POLQ: variants seen among roughly 807,000 people sequenced by gnomAD.
POLQ encodes the protein DNA polymerase theta.
In POLQ, 233 loss-of-function variants were observed where a neutral mutation model predicts 259.2. The ratio of observed to expected loss-of-function variants is 0.90; its 90% confidence interval spans 0.81 to 1.00. POLQ has a LOEUF of 1.00. POLQ is among the 50% of genes least tolerant of loss of function. POLQ has a pLI of 0.00. For synonymous variants in POLQ, 1,025 were observed against 1,048.8 expected (o/e 0.98, Z 0.44); for missense variants, 2,871 against 3,051.6 (o/e 0.94, Z 1.39).
At chr3:121,435,585 G>C (rs978263045) in intron 28 of POLQ, among the ~76,000 whole-genome samples, 3 of 152,130 alleles carry the variant, frequency 2.0e-5, no homozygotes, top group African/African-American at 7.2e-5. Context: ...CAACTGTCCT[G>C]GTATAGAAGT....
rs755243258 is a variant in POLQ, at chr3:121,496,931, A to C, written c.2155T>G (p.Phe719Val). 1 of 1,611,704 alleles carries C rather than the reference A, an allele frequency of 6.2e-7. No homozygotes were observed. Among genetic ancestry groups the C allele is most frequent in the Non-Finnish European group, 8.5e-7 (1 of 1,179,496 alleles). The change falls in exon 14 of 30, where the codon TTT becomes GTT. Residue 719 changes from phenylalanine (F) to valine (V), a missense_variant and splice_region_variant. Around this residue, in one of 3 missense-constraint regions of POLQ, gnomAD observed 783 missense variants for 906.2 expected, o/e 0.86. Coordinates refer to ENST00000264233, the MANE Select transcript of POLQ (RefSeq NM_199420.4). The stretch of plus-strand genomic sequence containing the variant: ...TCTAATAGCACAAGACTGGTGAAAA[A>C]CCTGGGAATAAATCATCAAAAGCGT... ...QHRQMAIHKRFFTSLVLLDLI... is the reference protein window; with the variant it reads ...QHRQMAIHKRVFTSLVLLDLI...
chr3:121,533,862 C>T (rs1471444670), intron 5 of POLQ, among the ~76,000 whole-genome samples: 1 of 150,350 alleles, frequency 6.7e-6, no homozygotes, highest in Non-Finnish European at 1.5e-5. Flanking sequence ...ACCAATGAGA[C>T]TACTGAGCAT....
intron 4 of POLQ, among the ~76,000 whole-genome samples, chr3:121,539,208 C>T (rs1182214782): frequency 6.6e-6 from 1 of 152,122 alleles, no homozygotes. Flanking sequence ...ATATAATCTA[C>T]GTTTTGTAAA....
In POLQ at chr3:121,467,548, CT is replaced by C. The variant is rs749772937; in HGVS notation, c.6937del (p.Ser2313AlafsTer24). 3.1e-6 allele frequency: 5 copies of C among 1,614,062 alleles called. No individual in the cohort carries two copies. Among genetic ancestry groups the C allele is most frequent in the African/African-American group, 1.3e-5 (1 of 75,056 alleles). ...GAAAGGCACAAAGGCATGTCGCATG[CT>C]AATTGAAAATGGCATTCCTCTGTCT... The part of the protein sequence containing the change: ...AADRGMPFSI[S>X]MRHAFVPFPG... On this transcript the variant is annotated frameshift_variant, in exon 24 of 30. Transcript: ENST00000264233. LOFTEE classifies it high-confidence loss of function.
In POLQ at chr3:121,485,111, A is replaced by G. The variant is rs1201955800; in HGVS notation, c.5703T>C (p.Val1901=). The G allele has an allele frequency of 6.2e-7, 1 of 1,612,584 alleles. No individual in the cohort carries two copies. Among genetic ancestry groups the G allele is most frequent in the South Asian group, 1.1e-5 (1 of 91,016 alleles). The stretch of plus-strand genomic sequence containing the variant: ...TTCCACCCCAGCATACTGCCAGTCC[A>G]ACCACCAAGGTGTCATCACAACCTT... ...PIKGCDDTLV[V]GLAVCWGGRD... Residue 1901 remains valine, a synonymous_variant, in exon 17 of 30, where the codon GTT becomes GTC. Transcript: ENST00000264233.
chr3:121,447,461 C>T (rs535686221), intron 26 of POLQ, among the ~76,000 whole-genome samples: 1 of 152,222 alleles, frequency 6.6e-6, no homozygotes, highest in East Asian at 1.9e-4. Context: ...CCGCGCCTGG[C>T]CCACTTTTTA....
At position 121,460,138 on chromosome 3, in the gene POLQ, C is replaced by G. The variant is rs756208896; in HGVS notation, c.7064G>C (p.Gly2355Ala). 6.2e-7 allele frequency: 1 copy of G among 1,613,612 alleles called. No homozygotes were observed. The highest frequency in any genetic ancestry group is 1.7e-5 in the Admixed American group (1 of 60,006). Residue 2355 changes from glycine to alanine, a missense_variant, in exon 25 of 30, where the codon GGA (glycine) becomes GCA (alanine). By Grantham distance (60) the Gly-to-Ala change is moderately conservative. Transcript: ENST00000264233. The stretch of plus-strand genomic sequence containing the variant: ...TGCAATGCTCCTGAAAACATCAGCT[C>G]CAGTGTTTAACACTTGAATGAGACG... Reference protein sequence around the residue: ...DRRLIQVLNTGADVFRSIAAE... With the variant: ...DRRLIQVLNTAADVFRSIAAE...
chr3:121,453,770 G>A (rs1012154589), intron 25 of POLQ, among the ~76,000 whole-genome samples: 3 of 152,162 alleles, frequency 2.0e-5, no homozygotes, highest in Non-Finnish European at 4.4e-5. Flanking sequence ...GTATCTGAAA[G>A]TGACAGGGAG....
intron 13 of POLQ, 110 bp from the exon 14 acceptor site, chr3:121,497,042 T>A: frequency 9.7e-7 from 1 of 1,035,342 alleles, no homozygotes; most frequent in South Asian, 1.4e-5. Context: ...GCTTATATAA[T>A]ACATTGTGGT....
At chr3:121,514,104 G>A (rs531025655) in intron 9 of POLQ, among the ~76,000 whole-genome samples, 41 of 140,246 alleles carry the variant, frequency 2.9e-4, no homozygotes, top group East Asian at 8.5e-4. Flanking sequence ...CAAGGTGGAC[G>A]GATCACCTGA....
intron 9 of POLQ, among the ~76,000 whole-genome samples, chr3:121,516,017 GT>G (rs2048291832): frequency 6.6e-6 from 1 of 151,874 alleles, no homozygotes; most frequent in African/African-American, 2.4e-5. Flanking sequence ...GAGATGAAGA[GT>G]ACAATGAGTG....
At chr3:121,435,422 G>C (rs1316141157) in intron 28 of POLQ, among the ~76,000 whole-genome samples, 2 of 152,298 alleles carry the variant, frequency 1.3e-5, no homozygotes, top group East Asian at 3.9e-4. Context: ...GAACACTGAA[G>C]GTCATAAATA....
At chr3:121,519,692 A>G (rs1187082270) in intron 9 of POLQ, among the ~76,000 whole-genome samples, 179 bp downstream of exon 9, 1 of 151,382 alleles carries the variant, frequency 6.6e-6, no homozygotes, top group Non-Finnish European at 1.5e-5. Flanking sequence ...AAAAAAAAAA[A>G]AAGAAAATTA....
chr3:121,541,148 T>C (rs2048486493), intron 3 of POLQ, among the ~76,000 whole-genome samples: 1 of 152,234 alleles, frequency 6.6e-6, no homozygotes, highest in Non-Finnish European at 1.5e-5. Flanking sequence ...CCCAAAGTGC[T>C]GGGATTACAG....
rs751274104 is a variant in POLQ at position 121,541,336 on chromosome 3, T to C, written c.474+13A>G. ...GAGCCTTTCACTATTTCAAACTTAG[T>C]AAAAAACATTACCTGGAGGTAGTAT... On this transcript the variant is annotated intron_variant, in intron 3 of 29. Coordinates refer to ENST00000264233, the MANE Select transcript of POLQ (RefSeq NM_199420.4). The C allele has an allele frequency of 1.3e-6, 2 of 1,572,876 alleles. No homozygotes were observed. The highest frequency in any genetic ancestry group is 2.3e-5 in the South Asian group (2 of 85,196).
chr3:121,450,801 T>C (rs542372175), intron 25 of POLQ, among the ~76,000 whole-genome samples: 6 of 152,200 alleles, frequency 3.9e-5, no homozygotes, highest in South Asian at 2.1e-4. Flanking sequence ...ATCTTTGTGG[T>C]GTTCTCTGGA....
In POLQ at chr3:121,488,447, C is replaced by T. The variant is rs749571039; in HGVS notation, c.4484G>A (p.Ser1495Asn). ...TTGTTCTTTTACTAGATAGTCATCA[C>T]TGAAGCTATCAAATAGTAAACTATC... ...MSDSLLFDSF[S>N]DDYLVKEQLP... Residue 1495 changes from serine to asparagine, a missense_variant, in exon 16 of 30, where the codon AGT becomes AAT. By Grantham distance (46) the Ser-to-Asn change is conservative. Transcript: ENST00000264233. 6.8e-6 allele frequency: 11 copies of T among 1,610,278 alleles called. No homozygotes were observed. The Admixed American group carries it at 1.0e-4, about 15-fold the overall frequency.
intron 9 of POLQ, among the ~76,000 whole-genome samples, chr3:121,514,243 G>A (rs2048277890): frequency 6.7e-6 from 1 of 150,360 alleles, no homozygotes; most frequent in Non-Finnish European, 1.5e-5. Flanking sequence ...CAAGAGAATC[G>A]CTTGAGCCCA....
intron 26 of POLQ, 95 bp from the exon 27 acceptor site, chr3:121,440,211 C>T (rs564465103): frequency 1.9e-4 from 166 of 851,406 alleles, no homozygotes; most frequent in Non-Finnish European, 2.5e-4. Flanking sequence ...CAAAACCCCA[C>T]GATGATTCTT....
Sources: allele counts gnomAD v4.1 joint callset (sites outside exome capture counted in the v4.1 genomes callset), GRCh38; gene constraint gnomAD v4.1.1; regional missense constraint gnomAD v4.1.1; transcripts MANE v1.5; gene names NCBI Gene and HGNC (gene_info 2026-07-23, HGNC 2026-07-21).